Variants in PCGF5 observed in about 807,000 individuals in gnomAD.
PCGF5 encodes polycomb group RING finger protein 5.
In PCGF5, 9 loss-of-function variants were observed where a neutral mutation model predicts 44.3. That is an observed-to-expected ratio of 0.20 (90% confidence interval 0.12 to 0.35). PCGF5 has a LOEUF of 0.35. Among genes scored for constraint, PCGF5 ranks in the 10% least tolerant of loss-of-function variants. PCGF5 has a pLI of 1.00. For missense variants in PCGF5, 146 were observed against 305.3 expected (o/e 0.48, Z 3.89); for synonymous variants, 95 against 102.5 (o/e 0.93, Z 0.44).
chr10:91,259,775 A>G (rs1845849236), intron 6 of PCGF5, among the ~76,000 whole-genome samples: 1 of 152,236 alleles, frequency 6.6e-6, no homozygotes, highest in Non-Finnish European at 1.5e-5. Flanking sequence ...ATATGTAGAA[A>G]GCTGAAACTG....
rs1171784944 is a variant in PCGF5, at chr10:91,281,490, A to G, written c.*3174A>G. 6.5e-6 allele frequency: 1 copy of G among 152,726 alleles called. No individual in the cohort carries two copies. Among genetic ancestry groups the G allele is most frequent in the East Asian group, 1.9e-4 (1 of 5,192 alleles). 9.5% of individuals were successfully genotyped at this position (152,726 alleles called of 1,614,324 possible). ...TGCATTTCTGTTTTAAATTTACTGC[A>G]TAAAGTTTGAGTTATCTGTACCTGT... On this transcript the variant is annotated 3_prime_UTR_variant, in exon 10 of 10. Coordinates refer to ENST00000336126, the MANE Select transcript of PCGF5 (RefSeq NM_032373.5).
At chr10:91,204,169 T>C (rs1844301128) in intron 1 of PCGF5, among the ~76,000 whole-genome samples, 1 of 152,230 alleles carries the variant, frequency 6.6e-6, no homozygotes, top group Non-Finnish European at 1.5e-5. Flanking sequence ...TTAATTTGCA[T>C]AAGTTTATGT....
chr10:91,225,323 T>C (rs889588594), intron 2 of PCGF5, among the ~76,000 whole-genome samples: 3 of 149,566 alleles, frequency 2.0e-5, no homozygotes, highest in Non-Finnish European at 4.4e-5. Flanking sequence ...CATATATGTA[T>C]GTTCTCAACA....
chr10:91,276,344 G>A (rs1846313195), intron 9 of PCGF5, among the ~76,000 whole-genome samples: 1 of 152,122 alleles, frequency 6.6e-6, no homozygotes, highest in South Asian at 2.1e-4. Context: ...TTCTCTGAAA[G>A]TATCTGTTCT....
At chr10:91,271,354 T>C (rs975881586) in intron 8 of PCGF5, among the ~76,000 whole-genome samples, 2 of 152,030 alleles carry the variant, frequency 1.3e-5, no homozygotes, top group Non-Finnish European at 2.9e-5. Context: ...TCCCAGGAAA[T>C]AGTATTTGTA....
At chr10:91,215,032 G>A (rs1251843050) in intron 1 of PCGF5, among the ~76,000 whole-genome samples, 4 of 152,166 alleles carry the variant, frequency 2.6e-5, no homozygotes, top group African/African-American at 9.6e-5. Context: ...AAAGGAAATG[G>A]TGATCTATGA....
Position 91,282,917 on chromosome 10 carries a change from C to G in PCGF5, c.*4601C>G, listed in dbSNP as rs1846488157. The G allele has an allele frequency of 6.6e-6, 1 of 152,358 alleles. No individual in the cohort carries two copies. The highest frequency in any genetic ancestry group is 2.4e-5 in the African/African-American group (1 of 41,398). The allele number at this position is 152,358 out of a possible 1,614,324, so 9.4% of individuals were successfully genotyped here. On this transcript the variant is annotated 3_prime_UTR_variant, in exon 10 of 10. Coordinates refer to ENST00000336126, the MANE Select transcript of PCGF5 (RefSeq NM_032373.5). ...TATCAATATTTTGTAATATATATTC[C>G]TACAGTTTGGGTAGAAATAAGGAAC...
At chr10:91,216,894 T>C (rs1041012035), upstream of PCGF5, among the ~76,000 whole-genome samples, 3 of 152,218 alleles carry the variant, frequency 2.0e-5, no homozygotes, top group African/African-American at 7.2e-5. Flanking sequence ...CCTTATAGGA[T>C]ATTTATGTTC....
At chr10:91,177,282 G>A (rs753782445) in intron 1 of PCGF5, among the ~76,000 whole-genome samples, 2 of 152,158 alleles carry the variant, frequency 1.3e-5, no homozygotes, top group Non-Finnish European at 2.9e-5. Flanking sequence ...GTCTCAGAGG[G>A]GTACCCGGCT....
intron 7 of PCGF5, 64 bp downstream of exon 7, chr10:91,261,488 A>C (rs1463214238): frequency 7.5e-7 from 1 of 1,333,636 alleles, no homozygotes; most frequent in East Asian, 2.6e-5. Context: ...AAATTCTAAC[A>C]AAAGTGAAAA....
At chr10:91,222,321 A>T (rs1564638380) in intron 1 of PCGF5, among the ~76,000 whole-genome samples, 1 of 152,226 alleles carries the variant, frequency 6.6e-6, no homozygotes, top group Non-Finnish European at 1.5e-5. Flanking sequence ...AATGGGGAAC[A>T]TTTTGATAGG....
intron 8 of PCGF5, among the ~76,000 whole-genome samples, chr10:91,269,699 T>A (rs1846133453): frequency 6.6e-6 from 1 of 152,198 alleles, no homozygotes; most frequent in Non-Finnish European, 1.5e-5. Flanking sequence ...TGGATATTAT[T>A]TGAAATTTAT....
At chr10:91,211,614 G>T (rs1477461001) in intron 1 of PCGF5, among the ~76,000 whole-genome samples, 1 of 152,212 alleles carries the variant, frequency 6.6e-6, no homozygotes, top group Non-Finnish European at 1.5e-5. Context: ...CATAGGAAGA[G>T]AGATTCCTAT....
intron 2 of PCGF5, among the ~76,000 whole-genome samples, chr10:91,233,598 A>G (rs1292501371): frequency 2.0e-5 from 3 of 152,200 alleles, no homozygotes; most frequent in Non-Finnish European, 4.4e-5. Flanking sequence ...TACAAATAAA[A>G]CAAGAAGATG....
chr10:91,244,239 A>T (rs1168595133), intron 3 of PCGF5, among the ~76,000 whole-genome samples: 1 of 152,102 alleles, frequency 6.6e-6, no homozygotes, highest in African/African-American at 2.4e-5. Context: ...CTTCTGTGGG[A>T]AAGTGAGACT....
chr10:91,174,625 T>G (rs1843669436), intron 1 of PCGF5, among the ~76,000 whole-genome samples: 1 of 152,250 alleles, frequency 6.6e-6, no homozygotes, highest in Non-Finnish European at 1.5e-5. Flanking sequence ...TCTTGTGGCA[T>G]CTAGAAGGAT....
chr10:91,231,624 G>A (rs543308136), intron 2 of PCGF5, among the ~76,000 whole-genome samples: 6 of 152,326 alleles, frequency 3.9e-5, no homozygotes, highest in Non-Finnish European at 7.3e-5. Flanking sequence ...GGGCATGGCC[G>A]CAGGCACGTG....
intron 1 of PCGF5, among the ~76,000 whole-genome samples, chr10:91,188,822 C>G (rs1419737687): frequency 6.6e-6 from 1 of 152,122 alleles, no homozygotes; most frequent in Non-Finnish European, 1.5e-5. Flanking sequence ...TTTTTTCCAC[C>G]CTTGTCACTT....
rs368888264 is a variant in PCGF5, at chr10:91,184,187, T to G, written c.-184+21106T>G. Among the ~76,000 whole-genome samples, 6 of 152,190 alleles carry G rather than the reference T, an allele frequency of 3.9e-5. No homozygotes were observed. The South Asian group carries it at 1.0e-3, about 26-fold the overall frequency. On this transcript the variant is annotated intron_variant, in intron 1 of 9. Coordinates refer to the PCGF5 transcript ENST00000614189. ...ATTGGTTCCATTCTCCTCATCTCTT[T>G]CAGGTATACCAGTCAGTGGTAGATT...
Sources: allele counts gnomAD v4.1 joint callset (sites outside exome capture counted in the v4.1 genomes callset), GRCh38; gene constraint gnomAD v4.1.1; transcripts MANE v1.5; gene names NCBI Gene and HGNC (gene_info 2026-07-23, HGNC 2026-07-21).